The following LRP1B variants were observed in gnomAD, a reference collection of about 807,000 sequenced individuals.
The protein encoded by LRP1B is LDL receptor related protein 1B.
Under a neutral mutation model 556.6 loss-of-function variants are expected in LRP1B, and 217 were observed. That is an observed-to-expected ratio of 0.39 (90% CI 0.35 to 0.44). The LOEUF is 0.44. LRP1B is among the 20% of genes least tolerant of loss of function. The pLI is 1.00. For missense variants in LRP1B, 5,053 were observed against 5,620.8 expected, an observed-to-expected ratio of 0.90 and a Z score of 3.23; for synonymous variants, 2,047 against 1,865.8, an observed-to-expected ratio of 1.10 and a Z score of -2.50.
rs142967141 is a variant in LRP1B, at chr2:141,317,558, T to C, written c.344-62917A>G. On this transcript the variant is annotated intron_variant, in intron 3 of 90. Transcript: ENST00000389484. ...TAGGAGTTAGGACTTCAACATATGC[T>C]TTGGGGTTGAGGTGGGAGACACAAT... Among the ~76,000 whole-genome samples the C allele has an allele frequency of 3.2e-3, 487 of 152,264 alleles. 2 individuals are homozygous for C. Among genetic ancestry groups the C allele is most frequent in the African/African-American group, 0.011 (451 of 41,542 alleles).
intron 25 of LRP1B, among the ~76,000 whole-genome samples, chr2:140,873,325 G>A (rs1835168): frequency 0.84 from 127,441 of 152,026 alleles, 53,835 homozygotes; most frequent in Non-Finnish European, 0.89. Context: ...AAAAACAGCT[G>A]CATCTTAAAT....
At position 141,019,930 on chromosome 2, in the gene LRP1B, T is replaced by G. The variant is rs760100759; in HGVS notation, c.1962A>C (p.Pro654=). The change falls in exon 12 of 91, where the codon CCA becomes CCC. Residue 654 remains proline (P), a synonymous_variant. Transcript: ENST00000389484. ...MSHPRGIVVD[P]VNGWMYWTDW... ...AGTCAAATATTGCATACCCATTAAC[T>G]GGATCCACCACAATTCCTCTGGGAT... 24 of 1,592,534 alleles carry G rather than the reference T, an allele frequency of 1.5e-5. No individual in the cohort carries two copies. The highest frequency in any genetic ancestry group is 2.0e-5 in the Non-Finnish European group (23 of 1,168,720).
chr2:140,269,189 G>A (rs576635436), intron 86 of LRP1B: 91 of 448,048 alleles, frequency 2.0e-4, no homozygotes, highest in Non-Finnish European at 3.5e-4. Context: ...GCATGTGGAT[G>A]TTCATGATTT....
chr2:142,048,315 G>T (rs945369896), intron 1 of LRP1B, among the ~76,000 whole-genome samples: 15 of 152,010 alleles, frequency 9.9e-5, no homozygotes, highest in African/African-American at 3.4e-4. Flanking sequence ...AAAGCTTTTG[G>T]AGGTTAACTA....
chr2:140,331,644 A>T (rs1680818092), intron 79 of LRP1B, among the ~76,000 whole-genome samples: 1 of 149,784 alleles, frequency 6.7e-6, no homozygotes, highest in Non-Finnish European at 1.5e-5. Context: ...ATATTATTTC[A>T]TATATCTGGC....
At chr2:140,993,852 T>G (rs1269642428) in intron 16 of LRP1B, 143 bp downstream of exon 16, 2 of 774,772 alleles carry the variant, frequency 2.6e-6, no homozygotes, top group Non-Finnish European at 4.1e-6. Flanking sequence ...GGTCTACTCT[T>G]TATGCAAAAG....
At chr2:141,921,181 TA>T (rs1241976439) in intron 1 of LRP1B, among the ~76,000 whole-genome samples, 4 of 152,076 alleles carry the variant, frequency 2.6e-5, no homozygotes, top group African/African-American at 9.6e-5. Context: ...TGGTATTTCT[TA>T]ACATGTTTCA....
intron 35 of LRP1B, among the ~76,000 whole-genome samples, chr2:140,737,001 T>C (rs1433149858): frequency 2.6e-5 from 4 of 151,980 alleles, no homozygotes; most frequent in East Asian, 1.9e-4. Context: ...AGGCCAAAAA[T>C]ACATTGGCAG....
intron 1 of LRP1B, among the ~76,000 whole-genome samples, chr2:142,013,188 T>C (rs1025638389): frequency 4.6e-5 from 7 of 152,284 alleles, no homozygotes; most frequent in African/African-American, 1.7e-4. Flanking sequence ...TCATAATCCT[T>C]ATTACTTTTT....
At chr2:140,248,400 A>T (rs2104901717) in intron 86 of LRP1B, among the ~76,000 whole-genome samples, 1 of 151,838 alleles carries the variant, frequency 6.6e-6, no homozygotes, top group East Asian at 1.9e-4. Flanking sequence ...ATGGAGCATG[A>T]TTTAAATGAA....
intron 2 of LRP1B, among the ~76,000 whole-genome samples, chr2:141,728,050 G>A (rs534862564): frequency 2.2e-4 from 34 of 152,154 alleles, no homozygotes; most frequent in African/African-American, 6.5e-4. Flanking sequence ...AGAGAAGCCC[G>A]TATTTCAGAG....
At chr2:141,078,206 T>C (rs1424879155) in intron 7 of LRP1B, among the ~76,000 whole-genome samples, 1 of 152,182 alleles carries the variant, frequency 6.6e-6, no homozygotes, top group African/African-American at 2.4e-5. Flanking sequence ...TTGTATTATC[T>C]GTCATGAACC....
chr2:141,900,751 T>C (rs1574476574), intron 1 of LRP1B, among the ~76,000 whole-genome samples: 2 of 152,070 alleles, frequency 1.3e-5, no homozygotes, highest in African/African-American at 4.8e-5. Flanking sequence ...ATTCTTATAA[T>C]AAATATAACC....
intron 43 of LRP1B, among the ~76,000 whole-genome samples, chr2:140,543,282 AAAGT>A (rs1680203195): frequency 6.6e-6 from 1 of 152,044 alleles, no homozygotes; most frequent in African/African-American, 2.4e-5. Flanking sequence ...AAAGCAACTT[AAAGT>A]AATAAAAGGA....
intron 1 of LRP1B, among the ~76,000 whole-genome samples, chr2:142,018,271 T>C (rs1359901477): frequency 6.6e-6 from 1 of 152,192 alleles, no homozygotes; most frequent in Non-Finnish European, 1.5e-5. Flanking sequence ...CTCCTTTTCC[T>C]GGAATGGCCA....
intron 3 of LRP1B, among the ~76,000 whole-genome samples, chr2:141,327,613 C>T (rs1447664641): frequency 6.6e-6 from 1 of 152,082 alleles, no homozygotes; most frequent in East Asian, 1.9e-4. Flanking sequence ...CCCTTTGCTG[C>T]CTTCTCCTAA....
At chr2:140,443,577 A>G (rs542645850) in intron 65 of LRP1B, among the ~76,000 whole-genome samples, 1 of 152,338 alleles carries the variant, frequency 6.6e-6, no homozygotes, top group Admixed American at 6.5e-5. Flanking sequence ...AGCAAAACAG[A>G]AATGTTGACA....
chr2:141,120,599 G>A (rs17525628), intron 7 of LRP1B, among the ~76,000 whole-genome samples: 11,049 of 151,926 alleles, frequency 0.073, 505 homozygotes, highest in East Asian at 0.14. Context: ...TAATAAGATC[G>A]AACATTGACA....
chr2:141,408,512 C>A (rs1326149945), intron 3 of LRP1B, among the ~76,000 whole-genome samples: 3 of 151,786 alleles, frequency 2.0e-5, no homozygotes, highest in African/African-American at 7.3e-5. Flanking sequence ...GAGAAGTAGT[C>A]AGAAACTACA....
Sources: gnomAD v4.1 joint callset for allele counts (sites outside exome capture counted in the v4.1 genomes callset) on GRCh38, gnomAD v4.1.1 for gene constraint, MANE v1.5 for transcripts, NCBI Gene and HGNC (gene_info 2026-07-23, HGNC 2026-07-21) for gene names.